STK32A: variants seen among roughly 807,000 people sequenced by gnomAD.
STK32A encodes serine/threonine-protein kinase 32A.
STK32A carries 41 observed loss-of-function variants against 53.2 expected under a neutral mutation model. That is an observed-to-expected ratio of 0.77 (90% CI 0.60 to 1.00). The LOEUF (loss-of-function observed/expected upper bound fraction) is 1.00, where lower values mean the gene tolerates loss of function less well. STK32A is among the 50% of genes least tolerant of loss of function. The pLI is 0.00. For synonymous variants in STK32A, 166 were observed against 162.8 expected (o/e 1.02, Z -0.15); for missense variants, 458 against 485.8 (o/e 0.94, Z 0.54).
rs763447459 is a variant in STK32A at position 147,370,784 on chromosome 5, CT to C, written c.777+15del. On this transcript the variant is annotated intron_variant, in intron 9 of 12. Transcript: ENST00000397936. ...CTTCTTAAAAAGGTAAGAAGGAAGA[CT>C]GCATGTCCAAACGAAGTAACAAAAG... 6.5e-7 allele frequency: 1 copy of C among 1,540,986 alleles called. No individual in the cohort carries two copies. Among genetic ancestry groups the C allele is most frequent in the East Asian group, 2.2e-5 (1 of 44,466 alleles).
chr5:147,243,738 C>CAAAAAAAAAAAAAAA (rs377312425), intron 2 of STK32A, among the ~76,000 whole-genome samples: 1 of 134,680 alleles, frequency 7.4e-6, no homozygotes. Context: ...AGACTCTGTC[C>CAAAAAAAAAAAAAAA]AAAAAAAAAC....
chr5:147,261,989 G>A lies in STK32A; in HGVS notation c.53-16135G>A, dbSNP rs1754594261. 2.0e-5 allele frequency among the ~76,000 whole-genome samples: 3 copies of A among 152,318 alleles called. No homozygotes were observed. In the South Asian group the frequency reaches 6.2e-4, roughly 32 times the overall value. On this transcript the variant is annotated intron_variant, in intron 2 of 12. Coordinates refer to ENST00000397936, the MANE Select transcript of STK32A (RefSeq NM_001112724.2). ...TAAAAACTTAGCACTGAATCAGAGAGAAAACTTGAGAGGCATTTGCGAGGT... is the reference window on the plus strand; with the variant it reads ...TAAAAACTTAGCACTGAATCAGAGAAAAAACTTGAGAGGCATTTGCGAGGT...
intron 4 of STK32A, among the ~76,000 whole-genome samples, chr5:147,317,328 T>C (rs1254377815): frequency 5.6e-4 from 70 of 125,824 alleles, no homozygotes; most frequent in African/African-American, 1.9e-3. Flanking sequence ...TCTTTCTTTT[T>C]TTTTTTTTTT....
At chr5:147,394,237 G>A in the STK32A span, 2 of 1,048,478 alleles carry the variant, frequency 1.9e-6, no homozygotes, top group Non-Finnish European at 2.8e-6. Context: ...GAAGTGCCTT[G>A]CTGGCCTCAC....
At chr5:147,321,829 G>A (rs1014081004) in intron 4 of STK32A, among the ~76,000 whole-genome samples, 6 of 152,120 alleles carry the variant, frequency 3.9e-5, no homozygotes, top group African/African-American at 1.2e-4. Context: ...TGAGTAGGTG[G>A]TTTGCATTGG....
At chr5:147,313,716 C>T (rs1753817301) in intron 4 of STK32A, among the ~76,000 whole-genome samples, 1 of 152,142 alleles carries the variant, frequency 6.6e-6, no homozygotes, top group South Asian at 2.1e-4. Context: ...TAGGGTGGTC[C>T]TGGCATAAGG....
At chr5:147,289,145 G>A (rs1269456427) in intron 4 of STK32A, among the ~76,000 whole-genome samples, 1 of 146,218 alleles carries the variant, frequency 6.8e-6, no homozygotes, top group Non-Finnish European at 1.5e-5. Context: ...CTCTATAAGA[G>A]CATATGTTGC....
chr5:147,381,395 C>A (rs888431703), intron 11 of STK32A, among the ~76,000 whole-genome samples: 4 of 152,150 alleles, frequency 2.6e-5, no homozygotes, highest in Non-Finnish European at 5.9e-5. Flanking sequence ...GTAATCCCAG[C>A]ACTTTGGGAG....
chr5:147,251,510 A>G (rs1166249881), intron 2 of STK32A, among the ~76,000 whole-genome samples: 1 of 151,936 alleles, frequency 6.6e-6, no homozygotes, highest in Non-Finnish European at 1.5e-5. Context: ...GTAGATCCGG[A>G]ATCTTGATCT....
chr5:147,279,466 A>C, intron 4 of STK32A, 68 bp downstream of exon 4: 3 of 1,441,994 alleles, frequency 2.1e-6, no homozygotes, highest in Non-Finnish European at 2.8e-6. Context: ...GAGGTCCCCA[A>C]ATGCCTCTGG....
chr5:147,358,721 A>T (rs190094019), intron 7 of STK32A, among the ~76,000 whole-genome samples: 5 of 152,326 alleles, frequency 3.3e-5, no homozygotes, highest in Admixed American at 2.6e-4. Flanking sequence ...GGAATTTAAT[A>T]GAATACAAGG....
chr5:147,248,843 A>G (rs565015423), intron 2 of STK32A, among the ~76,000 whole-genome samples: 1 of 152,328 alleles, frequency 6.6e-6, no homozygotes, highest in African/African-American at 2.4e-5. Flanking sequence ...AGAAGCTCCA[A>G]TTATATTCTT....
At chr5:147,268,628 CT>C (rs1406668305) in intron 2 of STK32A, among the ~76,000 whole-genome samples, 1 of 152,054 alleles carries the variant, frequency 6.6e-6, no homozygotes, top group Non-Finnish European at 1.5e-5. Context: ...ATGTGCTGAT[CT>C]TTTTTCTCTA....
intron 4 of STK32A, among the ~76,000 whole-genome samples, chr5:147,289,595 C>T (rs910858146): frequency 2.0e-5 from 3 of 151,400 alleles, no homozygotes; most frequent in African/African-American, 7.3e-5. Context: ...TATACACACA[C>T]AAACATATGT....
the STK32A span, chr5:147,392,913 AG>A: frequency 1.3e-5 from 2 of 152,252 alleles, no homozygotes; most frequent in African/African-American, 4.8e-5. Flanking sequence ...ATATAAGCTG[AG>A]ATGACCTATT....
In STK32A at chr5:147,352,447, T is replaced by A. The variant is rs1280519418; in HGVS notation, c.562+1293T>A. On this transcript the variant is annotated intron_variant, in intron 7 of 12. Coordinates refer to ENST00000397936, the MANE Select transcript of STK32A (RefSeq NM_001112724.2). ...CTACAAAAACTCTAAGTTCACCTGT[T>A]GGGAGCAGCCATCTATATAGACACC... 2.6e-5 allele frequency among the ~76,000 whole-genome samples: 4 copies of A among 152,174 alleles called. No individual in the cohort carries two copies. The South Asian group carries it at 8.3e-4, about 32-fold the overall frequency.
At chr5:147,398,932 G>T in the STK32A span, 1 of 1,111,414 alleles carries the variant, frequency 9.0e-7, no homozygotes, top group Non-Finnish European at 1.3e-6. Context: ...CACAGTTGAG[G>T]TTTTGAGCCA....
rs374881429 is a variant in STK32A, at chr5:147,348,681, T to C, written c.473-2384T>C. 8 of 771,836 alleles carry C rather than the reference T, an allele frequency of 1.0e-5. No homozygotes were observed. The African/African-American group carries it at 1.4e-4, about 13-fold the overall frequency. 47.8% of individuals were successfully genotyped at this position (771,836 alleles called of 1,614,324 possible). The stretch of plus-strand genomic sequence containing the variant: ...CATCTGAATCACCTGTGGAATTTGT[T>C]GTTTTTAATACAGATACCTGGCTCT... On this transcript the variant is annotated intron_variant, in intron 6 of 12. Transcript: ENST00000397936.
At chr5:147,328,712 A>T (rs1168599756) in intron 5 of STK32A, among the ~76,000 whole-genome samples, 2 of 152,116 alleles carry the variant, frequency 1.3e-5, no homozygotes, top group Admixed American at 6.5e-5. Flanking sequence ...GGGAAACAAA[A>T]CTCATTACAA....
Sources: allele counts gnomAD v4.1 joint callset (sites outside exome capture counted in the v4.1 genomes callset), GRCh38; gene constraint gnomAD v4.1.1; transcripts MANE v1.5; gene names NCBI Gene and HGNC (gene_info 2026-07-23, HGNC 2026-07-21).